The following RGS7 variants were observed in gnomAD, a reference collection of about 807,000 sequenced individuals.
RGS7 encodes the protein regulator of G protein signaling 7.
Under a neutral mutation model 81.1 loss-of-function variants are expected in RGS7, and 27 were observed. That is an observed-to-expected ratio of 0.33 (90% confidence interval 0.25 to 0.46). The LOEUF is 0.46. Ranked by LOEUF, RGS7 falls within the 20% of genes least tolerant of loss-of-function variation. RGS7 has a pLI of 1.00. For missense variants in RGS7, 396 were observed against 607.4 expected, an observed-to-expected ratio of 0.65 and a Z score of 3.66; for synonymous variants, 208 against 207.7, an observed-to-expected ratio of 1.00 and a Z score of -0.01.
intron 14 of RGS7, 130 bp from the exon 15 acceptor site, chr1:240,806,456 T>C: frequency 5.0e-6 from 4 of 807,968 alleles, no homozygotes; most frequent in Non-Finnish European, 8.7e-6. Context: ...GCTTCCAGTA[T>C]CAGGGTGGTA....
intron 18 of RGS7, among the ~76,000 whole-genome samples, chr1:240,800,314 C>T (rs1306165147): frequency 6.6e-6 from 1 of 152,100 alleles, no homozygotes; most frequent in Non-Finnish European, 1.5e-5. Context: ...CATCATTCTC[C>T]ATCCCTTTAA....
chr1:241,203,688 C>A (rs890922840), intron 2 of RGS7, among the ~76,000 whole-genome samples: 2 of 152,042 alleles, frequency 1.3e-5, no homozygotes, highest in Non-Finnish European at 2.9e-5. Context: ...TGACATAATC[C>A]CTGTCTCTTG....
chr1:240,880,721 T>C lies in RGS7; in HGVS notation c.386-10602A>G, dbSNP rs895543662. 5.3e-5 allele frequency among the ~76,000 whole-genome samples: 8 copies of C among 152,320 alleles called. No homozygotes were observed. In the East Asian group the frequency reaches 1.5e-3, roughly 29 times the overall value. On this transcript the variant is annotated intron_variant, in intron 6 of 18. Transcript: ENST00000440928. ...ATGCATCAATATGGGGAATTCCTAC[T>C]GGGGTTGGTCAGAATTCCATCCAAT... is the stretch of plus-strand genomic sequence containing the variant.
At position 241,355,752 on chromosome 1, in the gene RGS7, G is replaced by A; in HGVS notation, c.25C>T (p.Gln9Ter). ...TCATCGGCCACCCCGTTGCTGGTCT[G>A]CCCATAATTATTCCCCTGGGCCATG... is the stretch of plus-strand genomic sequence containing the variant. Reference protein sequence around the residue: MAQGNNYGQTSNGVADESP... With the variant: MAQGNNYG Residue 9 changes from glutamine (Q) to a stop codon, truncating the protein, a stop_gained, in exon 2 of 19, where the codon CAG becomes TAG. Coordinates refer to ENST00000440928, the MANE Select transcript of RGS7 (RefSeq NM_001364886.1). LOFTEE classifies it high-confidence loss of function. 6.2e-7 allele frequency: 1 copy of A among 1,614,126 alleles called. No homozygotes were observed. Among genetic ancestry groups the A allele is most frequent in the East Asian group, 2.2e-5 (1 of 44,872 alleles).
chr1:240,861,313 G>A (rs528772703), intron 9 of RGS7, among the ~76,000 whole-genome samples: 21 of 152,136 alleles, frequency 1.4e-4, no homozygotes, highest in African/African-American at 4.1e-4. Context: ...ATTTTTATCC[G>A]TGACGTCTTT....
intron 3 of RGS7, among the ~76,000 whole-genome samples, chr1:241,017,315 C>T (rs2059306651): frequency 6.6e-6 from 1 of 151,996 alleles, no homozygotes; most frequent in Non-Finnish European, 1.5e-5. Flanking sequence ...GTGGCGCACG[C>T]CTGTAATTCC....
chr1:241,320,105 A>T lies in RGS7; in HGVS notation c.78+35594T>A, dbSNP rs1021695839. On this transcript the variant is annotated intron_variant, in intron 2 of 18. Transcript: ENST00000440928. ...GACTCCACGTAAAGAAAAGAAAAAA[A>T]GTTTGAAAATGTCCCAAAGAAGCTA... Among the ~76,000 whole-genome samples the T allele has an allele frequency of 2.0e-5, 3 of 152,330 alleles. No individual in the cohort carries two copies. In the East Asian group the frequency reaches 5.8e-4, roughly 29 times the overall value.
At chr1:241,078,301 C>CTGTGTGTGTGTGTG (rs71568986) in intron 3 of RGS7, among the ~76,000 whole-genome samples, 1 of 130,274 alleles carries the variant, frequency 7.7e-6, no homozygotes, top group Non-Finnish European at 1.6e-5. Context: ...CTTCTGGTCT[C>CTGTGTGTGTGTGTG]TGTGTGTGTG....
chr1:240,826,191 G>T (rs970162155), intron 10 of RGS7, among the ~76,000 whole-genome samples: 1 of 152,144 alleles, frequency 6.6e-6, no homozygotes, highest in South Asian at 2.1e-4. Context: ...TTTGAGCACC[G>T]CATCCGAATT....
chr1:241,356,457 G>A (rs370005355), intron 1 of RGS7, among the ~76,000 whole-genome samples: 7 of 152,186 alleles, frequency 4.6e-5, no homozygotes, highest in East Asian at 1.9e-4. Context: ...TCGGAAGTCC[G>A]GAGGTAATCC....
In RGS7 at chr1:241,092,720, G is replaced by A. The variant is rs139842701; in HGVS notation, c.175+5946C>T. 2.7e-3 allele frequency among the ~76,000 whole-genome samples: 416 copies of A among 152,118 alleles called. 4 individuals carry two copies. The highest frequency in any genetic ancestry group is 8.9e-3 in the African/African-American group (370 of 41,490). ...TCCCCACTTGTATGGGGCAGATTCC[G>A]GGCAAAACCACTCCTTACCACAAAG... On this transcript the variant is annotated intron_variant, in intron 3 of 18. Transcript: ENST00000440928.
At chr1:240,805,116 T>C (rs1342920370) in intron 15 of RGS7, among the ~76,000 whole-genome samples, 1 of 152,168 alleles carries the variant, frequency 6.6e-6, no homozygotes, top group Non-Finnish European at 1.5e-5. Context: ...GGCTTATGCC[T>C]GTAATCCCAG....
intron 2 of RGS7, among the ~76,000 whole-genome samples, chr1:241,338,244 G>A (rs1308457783): frequency 6.6e-6 from 1 of 152,036 alleles, no homozygotes; most frequent in African/African-American, 2.4e-5. Flanking sequence ...TACCGAGGGG[G>A]GAAATTCATA....
chr1:241,190,119 G>C (rs1057482862), intron 2 of RGS7, among the ~76,000 whole-genome samples: 2 of 151,744 alleles, frequency 1.3e-5, no homozygotes, highest in Admixed American at 1.3e-4. Flanking sequence ...AAAATCAACT[G>C]GTCCTATCTG....
In RGS7 at chr1:241,295,923, G is replaced by A. The variant is rs142673628; in HGVS notation, c.78+59776C>T. 6.4e-3 allele frequency among the ~76,000 whole-genome samples: 977 copies of A among 152,314 alleles called. 11 individuals carry two copies. The highest frequency in any genetic ancestry group is 0.022 in the African/African-American group (921 of 41,568). On this transcript the variant is annotated intron_variant, in intron 2 of 18. Transcript: ENST00000440928. Reference sequence around the variant, plus strand: ...CCTGGGAGAAGACAGGACTGAAGAAGGCTTTGAAGGCTAGATTCTGGGTGA... The same window carrying A: ...CCTGGGAGAAGACAGGACTGAAGAAAGCTTTGAAGGCTAGATTCTGGGTGA...
At position 241,241,419 on chromosome 1, in the gene RGS7, T is replaced by A. The variant is rs138353615; in HGVS notation, c.78+114280A>T. Among the ~76,000 whole-genome samples the A allele has an allele frequency of 3.9e-5, 6 of 152,118 alleles. No homozygotes were observed. The East Asian group carries it at 1.2e-3, about 30-fold the overall frequency. ...TTAAAAAATAAATTGGGCTCAAGAT[T>A]TCTTGGGGCATAAATTGTTTTGTGC... On this transcript the variant is annotated intron_variant, in intron 2 of 18. Coordinates refer to ENST00000440928, the MANE Select transcript of RGS7 (RefSeq NM_001364886.1).
chr1:241,083,258 C>T (rs61146627), intron 3 of RGS7, among the ~76,000 whole-genome samples: 1 of 124,916 alleles, frequency 8.0e-6, no homozygotes, highest in Non-Finnish European at 1.6e-5. Context: ...GAAAAAGAAA[C>T]AAAACAAAAC....
At chr1:241,327,142 G>GAAAAGAAAAGA (rs563253403) in intron 2 of RGS7, among the ~76,000 whole-genome samples, 903 of 85,326 alleles carry the variant, frequency 0.011, 52 homozygotes, top group East Asian at 0.022. Context: ...AAGAAAGAAA[G>GAAAAGAAAAGA]AAAGGAAAGA....
At chr1:241,169,446 C>T (rs913492139) in intron 2 of RGS7, among the ~76,000 whole-genome samples, 2 of 144,526 alleles carry the variant, frequency 1.4e-5, no homozygotes, top group African/African-American at 5.2e-5. Flanking sequence ...TGGGTGCAAG[C>T]AATTCTCTGC....
Sources: gnomAD v4.1 joint callset for allele counts (sites outside exome capture counted in the v4.1 genomes callset) on GRCh38, gnomAD v4.1.1 for gene constraint, MANE v1.5 for transcripts, NCBI Gene and HGNC (gene_info 2026-07-23, HGNC 2026-07-21) for gene names.